ZNF813: variants seen among roughly 807,000 people sequenced by gnomAD.
ZNF813 encodes zinc finger protein 813.
A neutral mutation model predicts 7.2 loss-of-function variants in ZNF813; 3 were observed. The observed-to-expected ratio is 0.42, with a 90% CI of 0.19 to 1.08. The LOEUF (loss-of-function observed/expected upper bound fraction) is 1.08. ZNF813 is among the 50% of genes least tolerant of loss of function. The pLI is 0.30. For missense variants in ZNF813, 714 were observed against 753.3 expected, an observed-to-expected ratio of 0.95 and a Z score of 0.61; for synonymous variants, 227 against 256.3, an observed-to-expected ratio of 0.89 and a Z score of 1.09.
chr19:53,480,983 A>G (rs1452749742), intron 1 of ZNF813, among the ~76,000 whole-genome samples: 7 of 152,186 alleles, frequency 4.6e-5, no homozygotes, highest in African/African-American at 1.7e-4. Context: ...AGCCCACACT[A>G]TTTATTGGTG....
At chr19:53,481,392 G>A (rs189107786) in intron 1 of ZNF813, among the ~76,000 whole-genome samples, 1 of 129,664 alleles carries the variant, frequency 7.7e-6, no homozygotes, top group East Asian at 2.2e-4. Flanking sequence ...TGTTGCTCAG[G>A]CTAGAGTGCA....
intron 1 of ZNF813, among the ~76,000 whole-genome samples, chr19:53,482,060 T>A (rs115344811): frequency 0.016 from 2,510 of 152,212 alleles, 64 homozygotes; most frequent in African/African-American, 0.058. Context: ...CCAGAAAAGC[T>A]CAACCTGAAT....
In ZNF813 at chr19:53,493,539, TCTTA is replaced by T. The variant is rs1256061885; in HGVS notation, c.*1457_*1460del. On this transcript the variant is annotated 3_prime_UTR_variant, in exon 4 of 4. Transcript: ENST00000396403. ...CTTTTTGCTTTTATTCCTAAGTATT[TCTTA>T]CTTTAAGTTCTCTAGCAAATGGAAG... 1 of 151,920 alleles carries T rather than the reference TCTTA, an allele frequency of 6.6e-6. No homozygotes were observed. 9.4% of individuals were successfully genotyped at this position (151,920 alleles called of 1,614,324 possible). A position where few individuals can be genotyped will look rare whatever the true frequency, so the allele number is the denominator to read the frequency against.
intron 1 of ZNF813, among the ~76,000 whole-genome samples, chr19:53,471,798 T>G: frequency 2.2e-5 from 2 of 89,944 alleles, no homozygotes; most frequent in Admixed American, 1.6e-4. Flanking sequence ...CGTGACAGAG[T>G]GAGACTGTCT....
chr19:53,475,404 G>T (rs1192818388), intron 1 of ZNF813, among the ~76,000 whole-genome samples: 1 of 152,290 alleles, frequency 6.6e-6, no homozygotes, highest in Admixed American at 6.5e-5. Flanking sequence ...TGAGGGGTCT[G>T]TCTGTAAGAT....
intron 3 of ZNF813, chr19:53,488,081 G>T (rs2617675): frequency 3.9e-6 from 1 of 257,538 alleles, no homozygotes; most frequent in East Asian, 1.2e-4. Flanking sequence ...CTGGAGTGCA[G>T]TGGCACAATC....
Position 53,492,608 on chromosome 19 carries a change from A to G in ZNF813, c.*522A>G. 5 of 694,958 alleles carry G rather than the reference A, an allele frequency of 7.2e-6. No individual in the cohort carries two copies. The highest frequency in any genetic ancestry group is 5.2e-5 in the East Asian group (1 of 19,342). 43.0% of individuals were successfully genotyped at this position (694,958 alleles called of 1,614,324 possible). A position where few individuals can be genotyped will look rare whatever the true frequency, so the allele number is the denominator to read the frequency against. ...ACACTTACTCACCATCAGGCAATCC[A>G]TGGTGAAGGAAACTTGACTAATGTA... On this transcript the variant is annotated 3_prime_UTR_variant, in exon 4 of 4. Transcript: ENST00000396403.
chr19:53,482,148 C>T (rs2086411369), intron 1 of ZNF813, among the ~76,000 whole-genome samples: 2 of 151,934 alleles, frequency 1.3e-5, no homozygotes, highest in Non-Finnish European at 2.9e-5. Context: ...GGGGAGTGCC[C>T]AGTTGTAATT....
At chr19:53,482,440 T>G in intron 1 of ZNF813, among the ~76,000 whole-genome samples, 1 of 152,228 alleles carries the variant, frequency 6.6e-6, no homozygotes, top group East Asian at 1.9e-4. Flanking sequence ...CCTGGGAGCT[T>G]GCCCTCATCT....
At chr19:53,476,886 T>A (rs1273139266) in intron 1 of ZNF813, among the ~76,000 whole-genome samples, 1 of 151,980 alleles carries the variant, frequency 6.6e-6, no homozygotes, top group Admixed American at 6.6e-5. Flanking sequence ...ATGGTCTCGA[T>A]CTCCTGACCT....
At chr19:53,484,035 T>C (rs11671044) in intron 2 of ZNF813, among the ~76,000 whole-genome samples, 198 bp downstream of exon 2, 23,742 of 151,966 alleles carry the variant, frequency 0.16, 2,294 homozygotes, top group East Asian at 0.26. Context: ...GGGAAGAGGC[T>C]GCACTGGGCA....
At chr19:53,479,567 T>C in intron 1 of ZNF813, 3 of 1,169,220 alleles carry the variant, frequency 2.6e-6, no homozygotes, top group East Asian at 4.7e-5. Flanking sequence ...GCCACTGCCC[T>C]GCAAAAGCTG....
chr19:53,480,874 G>A (rs1285293166), intron 1 of ZNF813, among the ~76,000 whole-genome samples: 2 of 152,156 alleles, frequency 1.3e-5, no homozygotes. Context: ...ACGAACTCTG[G>A]CGGAGTCAAA....
At chr19:53,468,897 CA>C (rs1289618221) in intron 1 of ZNF813, among the ~76,000 whole-genome samples, 1 of 151,808 alleles carries the variant, frequency 6.6e-6, no homozygotes, top group East Asian at 1.9e-4. Context: ...CTCCTCAGCA[CA>C]GACTCTTTAC....
chr19:53,486,511 C>G, intron 2 of ZNF813, 121 bp from the exon 3 acceptor site: 2 of 1,576,856 alleles, frequency 1.3e-6, no homozygotes, highest in South Asian at 1.2e-5. Context: ...ACCCCTTACT[C>G]GGATTTGTCA....
chr19:53,474,259 A>C (rs2086372230), intron 1 of ZNF813, among the ~76,000 whole-genome samples: 2 of 152,218 alleles, frequency 1.3e-5, no homozygotes, highest in Admixed American at 1.3e-4. Context: ...TTTATAACCA[A>C]GTTTTCACAA....
chr19:53,485,853 G>A (rs1277256839), intron 2 of ZNF813, among the ~76,000 whole-genome samples: 2 of 152,082 alleles, frequency 1.3e-5, no homozygotes, highest in Non-Finnish European at 2.9e-5. Context: ...AACCACAGGT[G>A]CCATGCCAGG....
chr19:53,474,965 T>C (rs1474399679), intron 1 of ZNF813, among the ~76,000 whole-genome samples: 3 of 152,152 alleles, frequency 2.0e-5, no homozygotes, highest in African/African-American at 7.2e-5. Flanking sequence ...AGCGTGATCA[T>C]TGCTGCCTGC....
In ZNF813 at chr19:53,492,155, CCTT is replaced by C. The variant is rs777723850; in HGVS notation, c.*72_*74del. 9.3e-5 allele frequency: 144 copies of C among 1,546,788 alleles called. 1 individual carries two copies. The highest frequency in any genetic ancestry group is 6.1e-4 in the African/African-American group (44 of 72,668). ...AACAAGTGCAATGAGTGTGGCAAGA[CCTT>C]CTGTCACAATTCAGTCCTTGTAATT... On this transcript the variant is annotated 3_prime_UTR_variant, in exon 4 of 4. Transcript: ENST00000396403.
Sources: gnomAD v4.1 joint callset for allele counts (sites outside exome capture counted in the v4.1 genomes callset) on GRCh38, gnomAD v4.1.1 for gene constraint, MANE v1.5 for transcripts, NCBI Gene and HGNC (gene_info 2026-07-23, HGNC 2026-07-21) for gene names.